Variants in COL5A2 observed in about 807,000 individuals in gnomAD.
COL5A2 encodes collagen alpha-2(V) chain.
In COL5A2, 23 loss-of-function variants were observed where a neutral mutation model predicts 208.2. The observed-to-expected ratio is 0.11, with a 90% CI of 0.08 to 0.16. COL5A2 has a LOEUF of 0.16. Among genes scored for constraint, COL5A2 ranks in the 10% least tolerant of loss-of-function variants. The probability of loss-of-function intolerance (pLI) is 1.00; values close to 1 mark genes in which losing one functional copy is unlikely to be tolerated. For synonymous variants in COL5A2, 625 were observed against 628.5 expected, an observed-to-expected ratio of 0.99 and a Z score of 0.08; for missense variants, 1,590 against 1,956.4, an observed-to-expected ratio of 0.81 and a Z score of 3.53.
At chr2:189,158,484 T>C (rs1259611015) in intron 1 of COL5A2, among the ~76,000 whole-genome samples, 3 of 152,080 alleles carry the variant, frequency 2.0e-5, no homozygotes, top group Non-Finnish European at 4.4e-5. Flanking sequence ...AAGTCAAATA[T>C]ATGAACCAAA....
At chr2:189,074,388 G>A (rs1468656436) in intron 17 of COL5A2, among the ~76,000 whole-genome samples, 1 of 152,086 alleles carries the variant, frequency 6.6e-6, no homozygotes, top group Non-Finnish European at 1.5e-5. Context: ...AATAGTGCAA[G>A]ATGGTCTGAA....
the COL5A2 span, among the ~76,000 whole-genome samples, chr2:189,393,703 A>G: frequency 2.0e-5 from 3 of 152,184 alleles, no homozygotes; most frequent in Non-Finnish European, 4.4e-5. Flanking sequence ...GGATCTTTCA[A>G]TAATTAGGTC....
At chr2:189,107,965 C>G (rs949590880) in intron 2 of COL5A2, among the ~76,000 whole-genome samples, 2 of 151,458 alleles carry the variant, frequency 1.3e-5, no homozygotes, top group Middle Eastern at 3.2e-3. Flanking sequence ...TTCTTTTTAG[C>G]ATTTATTTTT....
chr2:189,250,649 A>T, the COL5A2 span, among the ~76,000 whole-genome samples: 3 of 152,032 alleles, frequency 2.0e-5, no homozygotes, highest in Non-Finnish European at 1.5e-5. Flanking sequence ...TCCAAGGCTA[A>T]CTGAACGTTC....
Position 189,042,744 on chromosome 2 carries a change from T to C in COL5A2, c.3501A>G (p.Gly1167=). Residue 1167 remains glycine (G), a synonymous_variant, in exon 49 of 54, where the codon GGA becomes GGG. Coordinates refer to ENST00000374866, the MANE Select transcript of COL5A2 (RefSeq NM_000393.5). Reference sequence around the variant, plus strand: ...CTCTTGGGCCAAATGGTCCAGGGATTCCAGCACTTCCTTGTTCACCATTTG... The same window carrying C: ...CTCTTGGGCCAAATGGTCCAGGGATCCCAGCACTTCCTTGTTCACCATTTG... ...PGPNGEQGSA[G]IPGPFGPRGP... is the part of the protein sequence containing the mutation. The C allele has an allele frequency of 1.2e-6, 2 of 1,607,962 alleles. No homozygotes were observed. The highest frequency in any genetic ancestry group is 1.7e-5 in the Admixed American group (1 of 59,488).
At chr2:189,086,685 T>A (rs771733374) in intron 9 of COL5A2, 41 bp downstream of exon 9, 1 of 1,482,124 alleles carries the variant, frequency 6.7e-7, no homozygotes. Context: ...TGTGTGTGTA[T>A]GTTTTTCTTA....
the COL5A2 span, among the ~76,000 whole-genome samples, chr2:189,439,864 G>C: frequency 3.9e-5 from 6 of 152,104 alleles, no homozygotes; most frequent in African/African-American, 1.2e-4. Context: ...TTTGTTTCTT[G>C]GCTCAGGCCC....
the COL5A2 span, among the ~76,000 whole-genome samples, chr2:189,294,247 T>C: frequency 2.0e-5 from 3 of 152,208 alleles, no homozygotes; most frequent in African/African-American, 7.2e-5. Flanking sequence ...ATCAACCTTG[T>C]TTCCAGGTCT....
the COL5A2 span, among the ~76,000 whole-genome samples, chr2:189,353,419 T>C: frequency 1.3e-5 from 2 of 152,236 alleles, no homozygotes; most frequent in South Asian, 2.1e-4. Flanking sequence ...TTCCTATCCA[T>C]GAGCATGGAA....
chr2:189,423,343 A>G, the COL5A2 span, among the ~76,000 whole-genome samples: 1 of 152,002 alleles, frequency 6.6e-6, no homozygotes, highest in Admixed American at 6.5e-5. Context: ...AAAAATAGGA[A>G]AAAATTAAGC....
At chr2:189,045,340 A>ATATG (rs1685643263) in intron 46 of COL5A2, 108 bp from the exon 47 acceptor site, 1 of 582,088 alleles carries the variant, frequency 1.7e-6, no homozygotes, top group Non-Finnish European at 3.1e-6. Context: ...ATATATATAT[A>ATATG]TGTGTGTGTG....
chr2:189,147,019 A>G (rs564932867), intron 1 of COL5A2, among the ~76,000 whole-genome samples: 69 of 152,314 alleles, frequency 4.5e-4, no homozygotes, highest in African/African-American at 1.6e-3. Context: ...ACCCTTAAAA[A>G]TGTCAAACAG....
chr2:189,162,664 T>C (rs369063270), intron 1 of COL5A2, among the ~76,000 whole-genome samples: 2 of 152,188 alleles, frequency 1.3e-5, no homozygotes, highest in East Asian at 3.8e-4. Flanking sequence ...GTGGGTATAC[T>C]GGAATTTCTA....
Position 189,091,603 on chromosome 2 carries a change from C to A in COL5A2, c.567+707G>T, listed in dbSNP as rs79420977. Among the ~76,000 whole-genome samples, 1,189 of 152,098 alleles carry A rather than the reference C, an allele frequency of 7.8e-3. 16 individuals carry two copies. Among genetic ancestry groups the A allele is most frequent in the African/African-American group, 0.027 (1,102 of 41,474 alleles). ...TATACCTTGTTTTTTAGACATAATG[C>A]TATTACACACTTTATAACAGACTAT... On this transcript the variant is annotated intron_variant, in intron 7 of 53. Coordinates refer to ENST00000374866, the MANE Select transcript of COL5A2 (RefSeq NM_000393.5).
intron 47 of COL5A2, among the ~76,000 whole-genome samples, chr2:189,044,031 C>A (rs567908201): frequency 6.6e-6 from 1 of 152,206 alleles, no homozygotes; most frequent in Admixed American, 6.5e-5. Context: ...GTTTTAAGTC[C>A]TGGGAAATTA....
intron 1 of COL5A2, among the ~76,000 whole-genome samples, chr2:189,184,954 A>C: frequency 6.6e-6 from 1 of 152,304 alleles, no homozygotes; most frequent in East Asian, 1.9e-4. Context: ...GAAGAATTTA[A>C]ATTTTTTTCC....
chr2:189,280,420 T>C, the COL5A2 span, among the ~76,000 whole-genome samples: 1 of 152,188 alleles, frequency 6.6e-6, no homozygotes, highest in African/African-American at 2.4e-5. Flanking sequence ...TTCTACTTCC[T>C]ACTATGCTTG....
At chr2:189,393,185 T>C in the COL5A2 span, among the ~76,000 whole-genome samples, 1 of 152,122 alleles carries the variant, frequency 6.6e-6, no homozygotes, top group Non-Finnish European at 1.5e-5. Context: ...AAATCCTTTT[T>C]ACAGAAAAAC....
the COL5A2 span, among the ~76,000 whole-genome samples, chr2:189,280,164 C>G: frequency 6.6e-6 from 1 of 152,068 alleles, no homozygotes; most frequent in African/African-American, 2.4e-5. Context: ...GTATAAGTCA[C>G]TCAGTTTATC....
Sources: gnomAD v4.1 joint callset for allele counts (sites outside exome capture counted in the v4.1 genomes callset) on GRCh38, gnomAD v4.1.1 for gene constraint, MANE v1.5 for transcripts, NCBI Gene and HGNC (gene_info 2026-07-23, HGNC 2026-07-21) for gene names.